XXYLT1: variants seen among roughly 807,000 people sequenced by gnomAD.
XXYLT1 encodes xyloside xylosyltransferase 1, also known as UDP-xylose:alpha-xyloside alpha-1,3-xylosyltransferase.
In XXYLT1, 20 loss-of-function variants were observed where a neutral mutation model predicts 28.9. The observed-to-expected ratio is 0.69, with a 90% CI of 0.49 to 1.00. The LOEUF (loss-of-function observed/expected upper bound fraction) is 1.00. Ranked by LOEUF, XXYLT1 falls within the 50% of genes least tolerant of loss-of-function variation. The pLI, the probability that XXYLT1 is intolerant of heterozygous loss-of-function variation, is 0.00. For synonymous variants in XXYLT1, 257 were observed against 253.8 expected, an observed-to-expected ratio of 1.01 and a Z score of -0.12; for missense variants, 542 against 560.1, an observed-to-expected ratio of 0.97 and a Z score of 0.33.
chr3:195,247,850 C>CAG, intron 1 of XXYLT1: 1 of 700,734 alleles, frequency 1.4e-6, no homozygotes, highest in Non-Finnish European at 2.6e-6. Context: ...TGCAGCAGGA[C>CAG]AGAGAGAGAG....
rs369217715 is a variant in XXYLT1, at chr3:195,262,907, G to A, written c.504+7648C>T. On this transcript the variant is annotated intron_variant, in intron 1 of 3. Transcript: ENST00000310380. ...AAATATGCACTGTTCTCTAAACACT[G>A]CCATATAAAATGTCGGCCTATCTTT... 3.2e-3 allele frequency among the ~76,000 whole-genome samples: 483 copies of A among 152,280 alleles called. 1 individual carries two copies. Among genetic ancestry groups the A allele is most frequent in the African/African-American group, 0.011 (464 of 41,560 alleles).
At chr3:195,147,682 A>G (rs1474692400) in intron 3 of XXYLT1, among the ~76,000 whole-genome samples, 1 of 152,204 alleles carries the variant, frequency 6.6e-6, no homozygotes, top group Non-Finnish European at 1.5e-5. Context: ...AGCCTGACTT[A>G]GCAGCTGGCC....
rs1158394206 is a variant in XXYLT1 at position 195,109,702 on chromosome 3, T to TG, written c.786-39592dup. ...TTGTATGAGTGTGTGTGGTGTCTGG[T>TG]GTGTGTGGTGTATGAGTGTGCGTGT... On this transcript the variant is annotated intron_variant, in intron 3 of 3. Transcript: ENST00000310380. Among the ~76,000 whole-genome samples the TG allele has an allele frequency of 4.2e-4, 17 of 40,482 alleles. 4 individuals are homozygous for TG. The highest frequency in any genetic ancestry group is 1.6e-3 in the African/African-American group (17 of 10,728). 26.6% of individuals were successfully genotyped at this position (40,482 alleles called of 152,430 possible). A position where few individuals can be genotyped will look rare whatever the true frequency, so the allele number is the denominator to read the frequency against.
At chr3:195,102,333 A>G (rs571786854) in intron 3 of XXYLT1, among the ~76,000 whole-genome samples, 12 of 152,224 alleles carry the variant, frequency 7.9e-5, no homozygotes, top group Admixed American at 7.2e-4. Flanking sequence ...CATGAATACG[A>G]TATTATGGAT....
Position 195,122,244 on chromosome 3 carries a change from G to C in XXYLT1, c.785+34205C>G, listed in dbSNP as rs192309333. Reference sequence around the variant, plus strand: ...CCACCTCCTGATACCATCACACTGGGGGTTAGGATTTCAACACATGAATTT... The same window carrying C: ...CCACCTCCTGATACCATCACACTGGCGGTTAGGATTTCAACACATGAATTT... On this transcript the variant is annotated intron_variant, in intron 3 of 3. Transcript: ENST00000310380. 15 of 693,020 alleles carry C rather than the reference G, an allele frequency of 2.2e-5. No homozygotes were observed. The African/African-American group carries it at 2.5e-4, about 11-fold the overall frequency. 42.9% of individuals were successfully genotyped at this position (693,020 alleles called of 1,614,324 possible).
At position 195,270,538 on chromosome 3, in the gene XXYLT1, A is replaced by G; in HGVS notation, c.504+17T>C. 1.5e-6 allele frequency: 2 copies of G among 1,371,276 alleles called. No homozygotes were observed. The highest frequency in any genetic ancestry group is 1.5e-5 in the African/African-American group (1 of 65,752). 84.9% of individuals were successfully genotyped at this position (1,371,276 alleles called of 1,614,324 possible). On this transcript the variant is annotated intron_variant, in intron 1 of 3. Transcript: ENST00000310380. ...GGTGGGCCACCCACCGGGAGCCCCC[A>G]GCCGCGGCCCGCTCACCTTGCACTT... is the stretch of plus-strand genomic sequence containing the variant.
At chr3:195,132,837 A>T (rs949062810) in intron 3 of XXYLT1, among the ~76,000 whole-genome samples, 1 of 152,268 alleles carries the variant, frequency 6.6e-6, no homozygotes, top group Non-Finnish European at 1.5e-5. Flanking sequence ...GTTTACACAG[A>T]TTAACGCTGA....
intron 3 of XXYLT1, among the ~76,000 whole-genome samples, chr3:195,117,284 TA>T (rs1487419082): frequency 6.6e-6 from 1 of 152,098 alleles, no homozygotes; most frequent in Non-Finnish European, 1.5e-5. Context: ...GTGAAAAAAC[TA>T]GAGATAAAAT....
chr3:195,177,604 T>A (rs113483847), intron 2 of XXYLT1, among the ~76,000 whole-genome samples: 1 of 151,968 alleles, frequency 6.6e-6, no homozygotes, highest in Non-Finnish European at 1.5e-5. Flanking sequence ...TTCGTGGCCA[T>A]GAGACCTGCC....
chr3:195,246,404 G>A (rs1178133393), intron 1 of XXYLT1, among the ~76,000 whole-genome samples: 1 of 152,220 alleles, frequency 6.6e-6, no homozygotes, highest in Non-Finnish European at 1.5e-5. Flanking sequence ...CAGATACAGA[G>A]ACGAAGACCG....
chr3:195,270,984 G>A lies in XXYLT1; in HGVS notation c.75C>T (p.Cys25=), dbSNP rs1199317805. ...CCAGCGCCGCGGCCAGCAGCAGGGC[G>A]CAGTAGTGGGAGCGCACAGCGCCCA... ...ARLGAVRSHY[C]ALLLAAALAV... is the part of the protein sequence containing the mutation. The change falls in exon 1 of 4, where the codon TGC becomes TGT. Residue 25 remains cysteine (C), a synonymous_variant. Transcript: ENST00000310380. 4.0e-6 allele frequency: 6 copies of A among 1,483,536 alleles called. No homozygotes were observed. The highest frequency in any genetic ancestry group is 4.5e-6 in the Non-Finnish European group (5 of 1,120,834). The allele number at this position is 1,483,536 out of a possible 1,614,324, so 91.9% of individuals were successfully genotyped here.
Position 195,198,975 on chromosome 3 carries a change from A to G in XXYLT1, c.652+27734T>C, listed in dbSNP as rs9856249. 9.8e-3 allele frequency among the ~76,000 whole-genome samples: 1,488 copies of G among 152,306 alleles called. 23 individuals are homozygous for G. The highest frequency in any genetic ancestry group is 0.034 in the African/African-American group (1,418 of 41,544). On this transcript the variant is annotated intron_variant, in intron 2 of 3. Transcript: ENST00000310380. The stretch of plus-strand genomic sequence containing the variant: ...AAATATTGGGAGGCATTTTGCCAAG[A>G]ACACTGGAAAGAACAAACCTCTATA...
At position 195,166,111 on chromosome 3, in the gene XXYLT1, C is replaced by T. The variant is rs1270687798; in HGVS notation, c.653-9530G>A. ...CCAATTTTCATTGGAAATACAGACT[C>T]TCCCCTTCCCATGGAGCAGAAGTCC... On this transcript the variant is annotated intron_variant, in intron 2 of 3. Coordinates refer to ENST00000310380, the MANE Select transcript of XXYLT1 (RefSeq NM_152531.5). 2.0e-5 allele frequency among the ~76,000 whole-genome samples: 3 copies of T among 152,108 alleles called. No homozygotes were observed. In the East Asian group the frequency reaches 5.8e-4, roughly 29 times the overall value.
chr3:195,188,219 T>C (rs1407489287), intron 2 of XXYLT1, among the ~76,000 whole-genome samples: 3 of 152,224 alleles, frequency 2.0e-5, no homozygotes, highest in African/African-American at 7.2e-5. Context: ...TGCTCTTTAC[T>C]CCTTGGAGAA....
intron 3 of XXYLT1, among the ~76,000 whole-genome samples, chr3:195,073,491 A>G (rs1459256412): frequency 6.6e-6 from 1 of 152,076 alleles, no homozygotes; most frequent in Non-Finnish European, 1.5e-5. Context: ...TCCCCCCCTC[A>G]TGCCCACAAC....
rs1726006463 is a variant in XXYLT1, at chr3:195,270,938, GGTA to G, written c.118_120del (p.Tyr40del). ...GAGAAGGTCTCCCGGCCTGAGCCGAGGTAGTAGAAGGCGCAGACGGCCAGCGCC... is the reference window on the plus strand; with the variant it reads ...GAGAAGGTCTCCCGGCCTGAGCCGAGGTAGAAGGCGCAGACGGCCAGCGCC... On this transcript the variant is annotated inframe_deletion, in exon 1 of 4. Coordinates refer to ENST00000310380, the MANE Select transcript of XXYLT1 (RefSeq NM_152531.5). 6.7e-7 allele frequency: 1 copy of G among 1,489,086 alleles called. No homozygotes were observed. Among genetic ancestry groups the G allele is most frequent in the Non-Finnish European group, 8.9e-7 (1 of 1,121,858 alleles). 92.2% of individuals were successfully genotyped at this position (1,489,086 alleles called of 1,614,324 possible).
chr3:195,250,795 C>T (rs552597158), intron 1 of XXYLT1, among the ~76,000 whole-genome samples: 12 of 152,278 alleles, frequency 7.9e-5, no homozygotes, highest in African/African-American at 2.6e-4. Flanking sequence ...AGGATGTAAG[C>T]GCTACAAGGC....
intron 2 of XXYLT1, among the ~76,000 whole-genome samples, chr3:195,223,919 G>A (rs1332398825): frequency 6.6e-6 from 1 of 152,202 alleles, no homozygotes; most frequent in Non-Finnish European, 1.5e-5. Context: ...CACTTTGGGA[G>A]GCCGAGGCGG....
At chr3:195,261,602 T>C (rs1725701960) in intron 1 of XXYLT1, among the ~76,000 whole-genome samples, 1 of 152,188 alleles carries the variant, frequency 6.6e-6, no homozygotes, top group Non-Finnish European at 1.5e-5. Flanking sequence ...GTCCAAACCA[T>C]GTCCTCGGAA....
Sources: gnomAD v4.1 joint callset for allele counts (sites outside exome capture counted in the v4.1 genomes callset) on GRCh38, gnomAD v4.1.1 for gene constraint, MANE v1.5 for transcripts, NCBI Gene and HGNC (gene_info 2026-07-23, HGNC 2026-07-21) for gene names.